The following PHACTR1 variants were observed in gnomAD, a reference collection of about 807,000 sequenced individuals.
PHACTR1 encodes the protein phosphatase and actin regulator 1, also known as RPEL repeat containing 1.
In PHACTR1, 16 loss-of-function variants were observed where a neutral mutation model predicts 69.2. The ratio of observed to expected loss-of-function variants is 0.23; its 90% confidence interval spans 0.16 to 0.35. PHACTR1 has a LOEUF of 0.35. Ranked by LOEUF, PHACTR1 falls within the 10% of genes least tolerant of loss-of-function variation. The probability of loss-of-function intolerance (pLI) is 1.00; values close to 1 mark genes in which losing one functional copy is unlikely to be tolerated. For missense variants in PHACTR1, 510 were observed against 734.7 expected (o/e 0.69, Z 3.54); for synonymous variants, 312 against 284.5 (o/e 1.10, Z -0.97).
chr6:12,884,296 T>A (rs1399610191), intron 4 of PHACTR1, among the ~76,000 whole-genome samples: 1 of 152,198 alleles, frequency 6.6e-6, no homozygotes, highest in Admixed American at 6.5e-5. Context: ...TTTTCATGTC[T>A]CTCTGTACAT....
intron 4 of PHACTR1, among the ~76,000 whole-genome samples, chr6:12,950,406 C>G (rs1791148112): frequency 6.6e-6 from 1 of 152,162 alleles, no homozygotes; most frequent in Non-Finnish European, 1.5e-5. Flanking sequence ...AAGTTCCCAG[C>G]CTACTCAGAT....
rs534202133 is a variant in PHACTR1 at position 12,805,718 on chromosome 6, C to T, written c.250+55928C>T. ...TAGGCTCAAGCAATTCTCCTGCCTCCGTTTCCTGAGTAGCTGGGATTACAG... is the reference window on the plus strand; with the variant it reads ...TAGGCTCAAGCAATTCTCCTGCCTCTGTTTCCTGAGTAGCTGGGATTACAG... On this transcript the variant is annotated intron_variant, in intron 4 of 14. Coordinates refer to ENST00000332995, the MANE Select transcript of PHACTR1 (RefSeq NM_030948.6). Among the ~76,000 whole-genome samples, 75 of 151,872 alleles carry T rather than the reference C, an allele frequency of 4.9e-4. No individual in the cohort carries two copies. In the South Asian group the frequency reaches 0.015, roughly 31 times the overall value.
intron 4 of PHACTR1, among the ~76,000 whole-genome samples, chr6:13,003,507 C>T (rs1245367467): frequency 6.6e-6 from 1 of 152,028 alleles, no homozygotes; most frequent in Non-Finnish European, 1.5e-5. Context: ...ATAGATCCTT[C>T]ATCTTTAGGA....
intron 4 of PHACTR1, among the ~76,000 whole-genome samples, chr6:12,942,518 G>A (rs139234123): frequency 2.6e-5 from 4 of 152,266 alleles, no homozygotes; most frequent in Non-Finnish European, 4.4e-5. Context: ...CAGTGGCCAG[G>A]TGCAGTGGTT....
At chr6:12,738,797 G>A (rs1444634820) in intron 3 of PHACTR1, among the ~76,000 whole-genome samples, 2 of 152,090 alleles carry the variant, frequency 1.3e-5, no homozygotes, top group Admixed American at 1.3e-4. Flanking sequence ...CCTGGGAGGC[G>A]GAAGTTGCAG....
intron 3 of PHACTR1, among the ~76,000 whole-genome samples, chr6:12,734,041 C>G (rs1015666079): frequency 6.6e-6 from 1 of 152,228 alleles, no homozygotes; most frequent in Non-Finnish European, 1.5e-5. Context: ...CTGCATCTAG[C>G]GTGATTCAGC....
intron 4 of PHACTR1, among the ~76,000 whole-genome samples, chr6:13,018,010 G>A (rs1031434065): frequency 1.3e-5 from 2 of 152,108 alleles, no homozygotes; most frequent in African/African-American, 2.4e-5. Flanking sequence ...ACTAATCCAT[G>A]GACTTGCTAG....
At chr6:13,186,586 A>G (rs1417628624) in intron 7 of PHACTR1, among the ~76,000 whole-genome samples, 1 of 152,224 alleles carries the variant, frequency 6.6e-6, no homozygotes, top group African/African-American at 2.4e-5. Context: ...ATTTCCCTTA[A>G]GAAAGATTAA....
chr6:12,783,902 C>A (rs1771144269), intron 4 of PHACTR1, among the ~76,000 whole-genome samples: 1 of 152,128 alleles, frequency 6.6e-6, no homozygotes, highest in South Asian at 2.1e-4. Flanking sequence ...AAGATCAACA[C>A]AAGAGACCAA....
chr6:12,958,791 G>T (rs545406008), intron 4 of PHACTR1, among the ~76,000 whole-genome samples: 1 of 152,302 alleles, frequency 6.6e-6, no homozygotes, highest in Admixed American at 6.5e-5. Flanking sequence ...TCTACAAAGA[G>T]GCATTCAAGT....
At chr6:13,282,200 A>G (rs888502758) in intron 12 of PHACTR1, among the ~76,000 whole-genome samples, 1 of 152,246 alleles carries the variant, frequency 6.6e-6, no homozygotes, top group African/African-American at 2.4e-5. Flanking sequence ...AGTGTCTTCT[A>G]GTAATAGAAT....
chr6:13,021,465 G>A (rs565514608), intron 4 of PHACTR1, among the ~76,000 whole-genome samples: 144 of 152,266 alleles, frequency 9.5e-4, no homozygotes, highest in African/African-American at 3.2e-3. Context: ...TGGCTTTGCT[G>A]AACATGCCAC....
At chr6:12,824,407 C>T (rs1426002530) in intron 4 of PHACTR1, among the ~76,000 whole-genome samples, 1 of 152,048 alleles carries the variant, frequency 6.6e-6, no homozygotes, top group Non-Finnish European at 1.5e-5. Context: ...CAAAATCATC[C>T]CCCTACCCTG....
intron 4 of PHACTR1, among the ~76,000 whole-genome samples, chr6:12,754,536 G>A (rs1007379707): frequency 1.3e-5 from 2 of 152,150 alleles, no homozygotes; most frequent in African/African-American, 4.8e-5. Context: ...CTCTAGTGTA[G>A]AAGCCTTCCC....
intron 7 of PHACTR1, among the ~76,000 whole-genome samples, chr6:13,187,838 C>T (rs1022451493): frequency 6.6e-6 from 1 of 151,098 alleles, no homozygotes; most frequent in Non-Finnish European, 1.5e-5. Context: ...TGACTGATAT[C>T]AGTGAGAAGA....
At chr6:13,025,671 T>G (rs1047358196) in intron 4 of PHACTR1, among the ~76,000 whole-genome samples, 2 of 140,220 alleles carry the variant, frequency 1.4e-5, no homozygotes, top group Non-Finnish European at 3.1e-5. Context: ...CATATATTAT[T>G]TGTGTGTGTG....
intron 10 of PHACTR1, among the ~76,000 whole-genome samples, chr6:13,232,846 A>G (rs1238461940): frequency 6.6e-6 from 1 of 152,234 alleles, no homozygotes; most frequent in Non-Finnish European, 1.5e-5. Flanking sequence ...AAAAAAGAGA[A>G]GGAGCAGATC....
rs116484751 is a variant in PHACTR1 at position 13,054,212 on chromosome 6, A to G, written c.415+683A>G. 5.3e-3 allele frequency among the ~76,000 whole-genome samples: 815 copies of G among 152,362 alleles called. 5 individuals carry two copies. Among genetic ancestry groups the G allele is most frequent in the African/African-American group, 0.017 (715 of 41,594 alleles). On this transcript the variant is annotated intron_variant, in intron 5 of 14. Coordinates refer to ENST00000332995, the MANE Select transcript of PHACTR1 (RefSeq NM_030948.6). ...GCCTCAGCTTCCTCGTCTGTAAAAT[A>G]GAAGTAAGAATAATACCTTACATGA...
chr6:12,843,462 C>T (rs1421884511), intron 4 of PHACTR1, among the ~76,000 whole-genome samples: 1 of 152,006 alleles, frequency 6.6e-6, no homozygotes. Context: ...CAGTTATGCA[C>T]GTGTGTGTGT....
Sources: gnomAD v4.1 joint callset for allele counts (sites outside exome capture counted in the v4.1 genomes callset) on GRCh38, gnomAD v4.1.1 for gene constraint, MANE v1.5 for transcripts, NCBI Gene and HGNC (gene_info 2026-07-23, HGNC 2026-07-21) for gene names.